Variants in GNAL observed in about 807,000 individuals in gnomAD.
GNAL encodes G protein subunit alpha L, also known as guanine nucleotide-binding protein G(olf) subunit alpha.
Under a neutral mutation model 55.1 loss-of-function variants are expected in GNAL, and 18 were observed. The ratio of observed to expected loss-of-function variants is 0.33; its 90% confidence interval spans 0.23 to 0.48. The LOEUF (loss-of-function observed/expected upper bound fraction) is 0.48. Among genes scored for constraint, GNAL ranks in the 20% least tolerant of loss-of-function variants. The pLI, the probability that GNAL is intolerant of heterozygous loss-of-function variation, is 0.99. For synonymous variants in GNAL, 253 were observed against 237.0 expected, an observed-to-expected ratio of 1.07 and a Z score of -0.62; for missense variants, 412 against 614.1, an observed-to-expected ratio of 0.67 and a Z score of 3.48.
intron 4 of GNAL, among the ~76,000 whole-genome samples, chr18:11,766,249 G>A (rs2033402299): frequency 6.6e-6 from 1 of 152,166 alleles, no homozygotes; most frequent in Non-Finnish European, 1.5e-5. Context: ...CATCCATGAA[G>A]GTGTGGGGGT....
chr18:11,818,630 G>C (rs1332160016), intron 4 of GNAL, among the ~76,000 whole-genome samples: 1 of 152,200 alleles, frequency 6.6e-6, no homozygotes, highest in Non-Finnish European at 1.5e-5. Flanking sequence ...AGGCAGGAAC[G>C]GGGAGAGTGA....
intron 4 of GNAL, among the ~76,000 whole-genome samples, chr18:11,799,934 C>T (rs951390084): frequency 6.6e-6 from 1 of 152,088 alleles, no homozygotes; most frequent in Non-Finnish European, 1.5e-5. Flanking sequence ...TCTTTCCCTC[C>T]CCCTGTACGT....
rs1299888808 is a variant in GNAL, at chr18:11,883,119, TTA to T, written c.*1987_*1988del. ...CTATAAATCAGCATTTTGTAATCCT[TTA>T]TAAACTCATCCAGATTTAAATGCTA... On this transcript the variant is annotated 3_prime_UTR_variant, in exon 12 of 12. Transcript: ENST00000334049. 1.3e-5 allele frequency: 2 copies of T among 151,886 alleles called. No individual in the cohort carries two copies. The highest frequency in any genetic ancestry group is 2.9e-5 in the Non-Finnish European group (2 of 68,046). 9.4% of individuals were successfully genotyped at this position (151,886 alleles called of 1,614,324 possible). A position where few individuals can be genotyped will look rare whatever the true frequency, so the allele number is the denominator to read the frequency against.
In GNAL at chr18:11,759,873, G is replaced by C. The variant is rs546432907; in HGVS notation, c.624+5928G>C. ...TGTCTATCTCCTGCTAGAAGGCTTT[G>C]TGCTGTGGGTTTTCGTGTGTGTGTC... is the stretch of plus-strand genomic sequence containing the variant. On this transcript the variant is annotated intron_variant, in intron 4 of 11. Coordinates refer to ENST00000334049, the MANE Select transcript of GNAL (RefSeq NM_182978.4). Among the ~76,000 whole-genome samples the C allele has an allele frequency of 9.2e-5, 14 of 152,292 alleles. No individual in the cohort carries two copies. The East Asian group carries it at 2.7e-3, about 29-fold the overall frequency.
At chr18:11,695,953 A>C (rs890749936) in intron 1 of GNAL, among the ~76,000 whole-genome samples, 5 of 150,144 alleles carry the variant, frequency 3.3e-5, no homozygotes, top group East Asian at 3.9e-4. Context: ...CACACACACA[A>C]AGGAAAAAAA....
intron 4 of GNAL, among the ~76,000 whole-genome samples, chr18:11,796,475 G>A (rs2034383313): frequency 6.6e-6 from 1 of 151,140 alleles, no homozygotes; most frequent in African/African-American, 2.4e-5. Context: ...AGCTACTGGG[G>A]AGGCAGGAGA....
At chr18:11,818,641 G>A (rs1201856062) in intron 4 of GNAL, among the ~76,000 whole-genome samples, 1 of 152,206 alleles carries the variant, frequency 6.6e-6, no homozygotes, top group Non-Finnish European at 1.5e-5. Context: ...GGGAGAGTGA[G>A]TTTTGTGGAA....
intron 1 of GNAL, among the ~76,000 whole-genome samples, chr18:11,750,660 A>G (rs566755370): frequency 2.5e-4 from 38 of 152,162 alleles, no homozygotes; most frequent in African/African-American, 8.7e-4. Flanking sequence ...CCTTGATGAG[A>G]GTATTTTCCC....
chr18:11,847,679 T>A (rs1213945052), intron 5 of GNAL, among the ~76,000 whole-genome samples: 1 of 152,058 alleles, frequency 6.6e-6, no homozygotes, highest in Non-Finnish European at 1.5e-5. Flanking sequence ...ACTTGCAAGG[T>A]TTCAATGTTA....
intron 4 of GNAL, among the ~76,000 whole-genome samples, chr18:11,770,953 G>C (rs559256043): frequency 6.6e-6 from 1 of 152,030 alleles, no homozygotes; most frequent in Non-Finnish European, 1.5e-5. Context: ...GGTGGCTCAA[G>C]CCTGTAATCC....
rs1345081950 is a variant in GNAL at position 11,872,438 on chromosome 18, A to G, written c.1162+40A>G. 3.0e-6 allele frequency: 4 copies of G among 1,318,110 alleles called. No homozygotes were observed. In the Admixed American group the frequency reaches 9.1e-5, roughly 30 times the overall value. The allele number at this position is 1,318,110 out of a possible 1,614,324, so 81.7% of individuals were successfully genotyped here. A position where few individuals can be genotyped will look rare whatever the true frequency, so the allele number is the denominator to read the frequency against. On this transcript the variant is annotated intron_variant, in intron 10 of 11. Transcript: ENST00000334049. ...CACATTCTTATGATTGAGGAATAGAATTGTTTTATTAATAGTCCTGTAACT... is the reference window on the plus strand; with the variant it reads ...CACATTCTTATGATTGAGGAATAGAGTTGTTTTATTAATAGTCCTGTAACT...
At chr18:11,750,813 A>T (rs539252688) in intron 1 of GNAL, among the ~76,000 whole-genome samples, 1 of 152,086 alleles carries the variant, frequency 6.6e-6, no homozygotes, top group Admixed American at 6.5e-5. Flanking sequence ...GGGGCGTGAG[A>T]TGAAAGGTGT....
At chr18:11,827,168 G>A (rs2035268045) in intron 5 of GNAL, among the ~76,000 whole-genome samples, 1 of 152,134 alleles carries the variant, frequency 6.6e-6, no homozygotes, top group Non-Finnish European at 1.5e-5. Flanking sequence ...TGGTGAGCGC[G>A]CTTGGCAAGG....
intron 1 of GNAL, among the ~76,000 whole-genome samples, chr18:11,694,097 C>T (rs190718995): frequency 6.6e-6 from 1 of 152,170 alleles, no homozygotes; most frequent in Admixed American, 6.5e-5. Flanking sequence ...AAGTGATCCA[C>T]CTGTCTTGGC....
At chr18:11,772,096 C>T (rs2033654203) in intron 4 of GNAL, among the ~76,000 whole-genome samples, 1 of 152,136 alleles carries the variant, frequency 6.6e-6, no homozygotes, top group Non-Finnish European at 1.5e-5. Context: ...TCTAGCCCTA[C>T]AGGAAGATCA....
chr18:11,716,787 G>A (rs2031976929), intron 1 of GNAL, among the ~76,000 whole-genome samples: 1 of 152,190 alleles, frequency 6.6e-6, no homozygotes. Context: ...CAAACTTTGA[G>A]CTAGATACAG....
chr18:11,765,522 A>G (rs550281515), intron 4 of GNAL, among the ~76,000 whole-genome samples: 1 of 152,104 alleles, frequency 6.6e-6, no homozygotes. Context: ...CCTTCTGTGC[A>G]TCTGTACTTT....
intron 5 of GNAL, among the ~76,000 whole-genome samples, chr18:11,825,510 C>G (rs2035216661): frequency 6.6e-6 from 1 of 152,128 alleles, no homozygotes; most frequent in South Asian, 2.1e-4. Context: ...GCAGGCGGAT[C>G]ACCTGAGGTC....
intron 1 of GNAL, among the ~76,000 whole-genome samples, chr18:11,693,204 CTA>C (rs1266643385): frequency 6.6e-6 from 1 of 152,068 alleles, no homozygotes; most frequent in Non-Finnish European, 1.5e-5. Context: ...AGTTATTAGA[CTA>C]TGAATCTGTG....
Sources: gnomAD v4.1 joint callset for allele counts (sites outside exome capture counted in the v4.1 genomes callset) on GRCh38, gnomAD v4.1.1 for gene constraint, MANE v1.5 for transcripts, NCBI Gene and HGNC (gene_info 2026-07-23, HGNC 2026-07-21) for gene names.